SCUBE1: variants seen among roughly 807,000 people sequenced by gnomAD.
SCUBE1 encodes signal peptide, CUB domain and EGF like domain containing 1, also known as signal peptide, CUB and EGF-like domain-containing protein 1.
A neutral mutation model predicts 124.4 loss-of-function variants in SCUBE1; 59 were observed. That is an observed-to-expected ratio of 0.47 (90% CI 0.38 to 0.59). The LOEUF (loss-of-function observed/expected upper bound fraction) is 0.59, where lower values mean the gene tolerates loss of function less well. SCUBE1 is among the 20% of genes least tolerant of loss of function. The probability of loss-of-function intolerance (pLI) is 0.00; values close to 1 mark genes in which losing one functional copy is unlikely to be tolerated. For synonymous variants in SCUBE1, 545 were observed against 550.9 expected (o/e 0.99, Z 0.15); for missense variants, 1,150 against 1,371.2 (o/e 0.84, Z 2.55).
rs1232048883 is a variant in SCUBE1, at chr22:43,201,346, C to CA, written c.*2650dup. 9.2e-6 allele frequency: 1 copy of CA among 108,164 alleles called. No homozygotes were observed. Among genetic ancestry groups the CA allele is most frequent in the African/African-American group, 3.3e-5 (1 of 30,502 alleles). 6.7% of individuals were successfully genotyped at this position (108,164 alleles called of 1,614,324 possible). A position where few individuals can be genotyped will look rare whatever the true frequency, so the allele number is the denominator to read the frequency against. ...AAAAAAAGAAAACAAAAAAAGAAAA[C>CA]AAAAAACAAAACAAAAAAAACAAAA... On this transcript the variant is annotated 3_prime_UTR_variant, in exon 22 of 22. Transcript: ENST00000360835.
chr22:43,243,346 G>A (rs576272610), intron 6 of SCUBE1, among the ~76,000 whole-genome samples: 3 of 152,338 alleles, frequency 2.0e-5, no homozygotes, highest in Non-Finnish European at 2.9e-5. Flanking sequence ...AAGGCCAGGC[G>A]CAGGGCTGGC....
chr22:43,322,134 C>A (rs1926577034), intron 2 of SCUBE1, among the ~76,000 whole-genome samples: 1 of 152,160 alleles, frequency 6.6e-6, no homozygotes, highest in African/African-American at 2.4e-5. Flanking sequence ...CAGGCACGTG[C>A]CACCATGCCC....
chr22:43,293,425 G>C (rs574962930), intron 3 of SCUBE1, among the ~76,000 whole-genome samples: 1 of 152,224 alleles, frequency 6.6e-6, no homozygotes, highest in African/African-American at 2.4e-5. Context: ...TGCAGAACAC[G>C]CGCCTTTGGC....
At chr22:43,218,092 G>A (rs182704661) in intron 15 of SCUBE1, among the ~76,000 whole-genome samples, 163 bp downstream of exon 15, 1 of 152,302 alleles carries the variant, frequency 6.6e-6, no homozygotes, top group East Asian at 1.9e-4. Flanking sequence ...TCAAATGACA[G>A]TGATGACCAT....
chr22:43,277,092 G>A (rs2146729551), intron 4 of SCUBE1, among the ~76,000 whole-genome samples: 1 of 151,982 alleles, frequency 6.6e-6, no homozygotes, highest in Admixed American at 6.6e-5. Flanking sequence ...GACAGAGGCA[G>A]GGATGCGTAG....
chr22:43,315,069 A>G (rs1460020124), intron 3 of SCUBE1, among the ~76,000 whole-genome samples: 1 of 152,046 alleles, frequency 6.6e-6, no homozygotes, highest in East Asian at 1.9e-4. Context: ...CAAATAATTT[A>G]ATAAGAACAA....
intron 15 of SCUBE1, among the ~76,000 whole-genome samples, chr22:43,215,138 G>A (rs1173695425): frequency 6.6e-6 from 1 of 152,186 alleles, no homozygotes; most frequent in African/African-American, 2.4e-5. Flanking sequence ...AGGAACCAGG[G>A]GTCCTTGGGG....
chr22:43,256,279 T>A (rs1923658372), intron 6 of SCUBE1, among the ~76,000 whole-genome samples: 1 of 152,196 alleles, frequency 6.6e-6, no homozygotes, highest in African/African-American at 2.4e-5. Context: ...AGGGATCACT[T>A]ATTTTAGGAG....
rs1458845566 is a variant in SCUBE1, at chr22:43,234,259, C to A, written c.845-2384G>T. 1.3e-5 allele frequency among the ~76,000 whole-genome samples: 2 copies of A among 152,166 alleles called. No individual in the cohort carries two copies. Among genetic ancestry groups the A allele is most frequent in the Non-Finnish European group, 2.9e-5 (2 of 68,024 alleles). ...CCTCAGTTGGCTGTGTGATGCTGGG[C>A]AGGGAAAGGCACCTCTCTGAGCCTT... On this transcript the variant is annotated intron_variant, in intron 7 of 21. Transcript: ENST00000360835. This position sits in a 1 kb window ranked among gnomAD's most constrained non-coding sequence, Gnocchi z 4.4.
In SCUBE1 at chr22:43,222,657, G is replaced by A; in HGVS notation, c.1413C>T (p.Gly471=). ...GGTTACCTGAGCAGCTGGGCCCGAG[G>A]CCAGAGCTGGTGCCGTTGCGTTTCT... is the stretch of plus-strand genomic sequence containing the variant. ...ALQKRNGTSS[G]LGPSCSDAPT... The change falls in exon 12 of 22, where the codon GGC becomes GGT. Residue 471 remains glycine (G), a synonymous_variant. Coordinates refer to ENST00000360835, the MANE Select transcript of SCUBE1 (RefSeq NM_173050.5). 1.3e-6 allele frequency: 2 copies of A among 1,597,526 alleles called. No individual in the cohort carries two copies. The highest frequency in any genetic ancestry group is 8.5e-7 in the Non-Finnish European group (1 of 1,173,186).
At chr22:43,311,423 CT>C (rs5845592) in intron 3 of SCUBE1, among the ~76,000 whole-genome samples, 55,052 of 134,624 alleles carry the variant, frequency 0.41, 10,357 homozygotes, top group Middle Eastern at 0.47. Flanking sequence ...TAATGTAGCA[CT>C]TTTTTTTTTT....
chr22:43,326,065 T>C (rs550477961), intron 2 of SCUBE1, among the ~76,000 whole-genome samples: 1 of 152,302 alleles, frequency 6.6e-6, no homozygotes, highest in Non-Finnish European at 1.5e-5. Context: ...TTTATTTTAA[T>C]ACTATTTTAG....
chr22:43,210,930 T>C lies in SCUBE1; in HGVS notation c.2375A>G (p.His792Arg), dbSNP rs1921521505. 1.2e-6 allele frequency: 2 copies of C among 1,613,608 alleles called. No individual in the cohort carries two copies. Among genetic ancestry groups the C allele is most frequent in the African/African-American group, 1.3e-5 (1 of 74,894 alleles). ...AGAGCAGCAGCACCCACTTTTGCAG[T>C]GTGTGACGTTGGTGGAGCCATCGAA... ...TDFDGSTNVTHCKNQHCGGEL... is the reference protein window; with the variant it reads ...TDFDGSTNVTRCKNQHCGGEL... The change falls in exon 18 of 22, where the codon CAC (histidine) becomes CGC (arginine). Residue 792 changes from histidine (H) to arginine (R), a missense_variant. Transcript: ENST00000360835. This position sits in a 1 kb window ranked among gnomAD's most constrained non-coding sequence, Gnocchi z 4.5.
At chr22:43,214,708 G>A (rs1393650748) in intron 15 of SCUBE1, among the ~76,000 whole-genome samples, 1 of 152,234 alleles carries the variant, frequency 6.6e-6, no homozygotes, top group Non-Finnish European at 1.5e-5. Context: ...AAATAGGCAA[G>A]GGCAGGAGGG....
chr22:43,267,918 G>A (rs899699456), intron 4 of SCUBE1, among the ~76,000 whole-genome samples: 1 of 152,220 alleles, frequency 6.6e-6, no homozygotes, highest in African/African-American at 2.4e-5. Flanking sequence ...GGGAAAAGGT[G>A]AACCCTGAGG....
At chr22:43,231,542 C>A (rs1426827632) in intron 8 of SCUBE1, among the ~76,000 whole-genome samples, 1 of 152,168 alleles carries the variant, frequency 6.6e-6, no homozygotes, top group Non-Finnish European at 1.5e-5. Context: ...CCACCTGGGA[C>A]ATGTGCTGAA....
intron 7 of SCUBE1, chr22:43,232,198 C>T (rs1178080497): frequency 1.7e-5 from 5 of 302,104 alleles, no homozygotes; most frequent in Admixed American, 8.1e-5. Context: ...GCAGGGACAG[C>T]GACTCTCCCA....
intron 2 of SCUBE1, among the ~76,000 whole-genome samples, chr22:43,324,155 G>T (rs1217411001): frequency 6.6e-6 from 1 of 152,176 alleles, no homozygotes; most frequent in South Asian, 2.1e-4. Flanking sequence ...TATGCCTGTT[G>T]TCAGGGCGTA....
intron 15 of SCUBE1, among the ~76,000 whole-genome samples, chr22:43,216,755 A>G (rs1461706091): frequency 6.6e-6 from 1 of 151,346 alleles, no homozygotes; most frequent in African/African-American, 2.4e-5. Context: ...TGTCTGAGCC[A>G]GAGTCCCAGC....
Sources: allele counts gnomAD v4.1 joint callset (sites outside exome capture counted in the v4.1 genomes callset), GRCh38; gene constraint gnomAD v4.1.1; non-coding constraint Gnocchi (gnomAD v3.1); transcripts MANE v1.5; gene names NCBI Gene and HGNC (gene_info 2026-07-23, HGNC 2026-07-21).